AHCYL2: variants seen among roughly 807,000 people sequenced by gnomAD.
The protein encoded by AHCYL2 is adenosylhomocysteinase like 2.
In AHCYL2, 28 loss-of-function variants were observed where a neutral mutation model predicts 81.4. The ratio of observed to expected loss-of-function variants is 0.34; its 90% CI spans 0.25 to 0.47. The LOEUF is 0.47. Ranked by LOEUF, AHCYL2 falls within the 20% of genes least tolerant of loss-of-function variation. The pLI is 1.00. For synonymous variants in AHCYL2, 272 were observed against 290.2 expected (o/e 0.94, Z 0.64); for missense variants, 551 against 785.1 (o/e 0.70, Z 3.56).
intron 1 of AHCYL2, among the ~76,000 whole-genome samples, chr7:129,316,861 C>T (rs561429345): frequency 5.9e-5 from 9 of 152,154 alleles, no homozygotes; most frequent in Non-Finnish European, 1.3e-4. Context: ...CCTATTGAAA[C>T]GAATGTTTCC....
intron 1 of AHCYL2, among the ~76,000 whole-genome samples, chr7:129,316,918 A>G (rs758839622): frequency 6.6e-6 from 1 of 152,238 alleles, no homozygotes; most frequent in South Asian, 2.1e-4. Context: ...GAGTTTCCTC[A>G]GTGATGGGGA....
In AHCYL2 at chr7:129,255,213, A is replaced by G. The variant is rs543379853; in HGVS notation, c.363+29774A>G. On this transcript the variant is annotated intron_variant, in intron 1 of 16. Coordinates refer to ENST00000325006, the MANE Select transcript of AHCYL2 (RefSeq NM_015328.4). ...GAGGTGGAGGTTGCAGTGAGCCGAG[A>G]TCGCGCCATTGCACTCCAGCCTGGG... Among the ~76,000 whole-genome samples, 452 of 152,256 alleles carry G rather than the reference A, an allele frequency of 3.0e-3. 2 individuals carry two copies. The highest frequency in any genetic ancestry group is 0.01 in the African/African-American group (431 of 41,548).
Position 129,403,502 on chromosome 7 carries a change from G to T in AHCYL2, c.1025+17G>T. The stretch of plus-strand genomic sequence containing the variant: ...AGTTCACAGGTAAGATTTGACATGG[G>T]CATACCTGGTTTTATGCAGTCTAGA... On this transcript the variant is annotated intron_variant, in intron 7 of 16. Transcript: ENST00000325006. The T allele has an allele frequency of 6.5e-7, 1 of 1,537,666 alleles. No individual in the cohort carries two copies. The highest frequency in any genetic ancestry group is 1.4e-5 in the African/African-American group (1 of 72,524).
intron 1 of AHCYL2, among the ~76,000 whole-genome samples, chr7:129,355,001 C>G (rs1205263305): frequency 2.6e-5 from 4 of 152,112 alleles, no homozygotes; most frequent in Non-Finnish European, 4.4e-5. Flanking sequence ...ATGAATACCC[C>G]CGATCCTTTT....
Position 129,264,307 on chromosome 7 carries a change from A to T in AHCYL2, c.363+38868A>T, listed in dbSNP as rs563405486. On this transcript the variant is annotated intron_variant, in intron 1 of 16. Transcript: ENST00000325006. ...AAGTGCGGGATTACAGGCGTGAGCCACTGCGCCCGGCCAGTAGAAGATATT... is the reference window on the plus strand; with the variant it reads ...AAGTGCGGGATTACAGGCGTGAGCCTCTGCGCCCGGCCAGTAGAAGATATT... 3.3e-5 allele frequency among the ~76,000 whole-genome samples: 5 copies of T among 152,382 alleles called. 1 individual carries two copies. The South Asian group carries it at 1.0e-3, about 32-fold the overall frequency.
chr7:129,296,090 C>T (rs1446070675), intron 1 of AHCYL2, among the ~76,000 whole-genome samples: 2 of 152,276 alleles, frequency 1.3e-5, no homozygotes. Flanking sequence ...ATGTGTTATT[C>T]CAACTCATTG....
chr7:129,291,047 A>G (rs1341947952), intron 1 of AHCYL2, among the ~76,000 whole-genome samples: 1 of 152,114 alleles, frequency 6.6e-6, no homozygotes, highest in Non-Finnish European at 1.5e-5. Context: ...TTAAAATATA[A>G]AAAAAGGAGT....
chr7:129,323,705 C>T (rs1012603994), intron 1 of AHCYL2, among the ~76,000 whole-genome samples: 1 of 152,114 alleles, frequency 6.6e-6, no homozygotes, highest in African/African-American at 2.4e-5. Flanking sequence ...GCAGTTTTGT[C>T]AGTGTTTGCT....
At chr7:129,330,531 C>T (rs1035235450) in intron 1 of AHCYL2, among the ~76,000 whole-genome samples, 2 of 145,026 alleles carry the variant, frequency 1.4e-5, no homozygotes, top group Admixed American at 7.1e-5. Context: ...AGTGCAGTGT[C>T]GCCATCCCAG....
In AHCYL2 at chr7:129,388,844, A is replaced by G. The variant is rs1795321050; in HGVS notation, c.476-212A>G. On this transcript the variant is annotated intron_variant, in intron 2 of 16. Transcript: ENST00000325006. ...GTGTTCTGAAGATAAAGTTAGCCCT[A>G]CATTTCAAGTTAAGGCTATCCAGGA... The G allele has an allele frequency of 1.0e-5, 5 of 487,414 alleles. No homozygotes were observed. In the South Asian group the frequency reaches 1.3e-4, roughly 13 times the overall value. 30.2% of individuals were successfully genotyped at this position (487,414 alleles called of 1,614,324 possible). A position where few individuals can be genotyped will look rare whatever the true frequency, so the allele number is the denominator to read the frequency against.
chr7:129,412,271 AAAC>A (rs911958768), intron 11 of AHCYL2, among the ~76,000 whole-genome samples: 3 of 152,072 alleles, frequency 2.0e-5, no homozygotes, highest in Admixed American at 6.6e-5. Flanking sequence ...TAAAACAAAA[AAAC>A]AACATTTTTA....
At chr7:129,333,291 G>A (rs2150805814) in intron 1 of AHCYL2, among the ~76,000 whole-genome samples, 1 of 137,838 alleles carries the variant, frequency 7.3e-6, no homozygotes, top group East Asian at 2.1e-4. Context: ...GCAACTTAGC[G>A]AGATCTCATC....
intron 1 of AHCYL2, among the ~76,000 whole-genome samples, chr7:129,365,640 A>ATATATATATATATATATATATATATGGG (rs1794086247): frequency 1.3e-5 from 2 of 149,132 alleles, no homozygotes; most frequent in South Asian, 4.4e-4. Context: ...ATATATATAT[A>ATATATATATATATATATATATATATGGG]TATATGGGTA....
Position 129,277,282 on chromosome 7 carries a change from T to G in AHCYL2, c.363+51843T>G, listed in dbSNP as rs1453414529. Among the ~76,000 whole-genome samples, 14 of 151,258 alleles carry G rather than the reference T, an allele frequency of 9.3e-5. 1 individual carries two copies. The South Asian group carries it at 2.1e-3, about 23-fold the overall frequency. On this transcript the variant is annotated intron_variant, in intron 1 of 16. Coordinates refer to ENST00000325006, the MANE Select transcript of AHCYL2 (RefSeq NM_015328.4). ...TATTACCTCTAAAGTCTCTCTCTTT[T>G]TTTTTTTTTTTTTTGAGATAGAGTC... is the stretch of plus-strand genomic sequence containing the variant.
At chr7:129,403,860 C>CAAAAAAA (rs34806455) in intron 7 of AHCYL2, among the ~76,000 whole-genome samples, 1,363 of 80,080 alleles carry the variant, frequency 0.017, 129 homozygotes, top group Non-Finnish European at 0.027. Flanking sequence ...GACTCCATCT[C>CAAAAAAA]AAAAAAAAAA....
intron 1 of AHCYL2, among the ~76,000 whole-genome samples, chr7:129,346,512 C>T (rs1793367111): frequency 6.6e-6 from 1 of 152,082 alleles, no homozygotes; most frequent in South Asian, 2.1e-4. Context: ...ATATAGATGT[C>T]AAATAAGCAT....
At chr7:129,318,920 AT>A (rs1003171377) in intron 1 of AHCYL2, among the ~76,000 whole-genome samples, 77 of 148,716 alleles carry the variant, frequency 5.2e-4, no homozygotes, top group Non-Finnish European at 6.1e-4. Flanking sequence ...CGACTATATA[AT>A]TTTTTTTTTT....
At chr7:129,360,205 T>G (rs182522749) in intron 1 of AHCYL2, among the ~76,000 whole-genome samples, 4 of 152,168 alleles carry the variant, frequency 2.6e-5, no homozygotes, top group African/African-American at 9.6e-5. Context: ...AACCTCTGCC[T>G]CCTGGGTTCA....
At chr7:129,238,366 A>G (rs1794713069) in intron 1 of AHCYL2, among the ~76,000 whole-genome samples, 1 of 152,160 alleles carries the variant, frequency 6.6e-6, no homozygotes, top group Non-Finnish European at 1.5e-5. Context: ...GCTAGACTGT[A>G]TTAGAGAAGT....
Sources: gnomAD v4.1 joint callset for allele counts (sites outside exome capture counted in the v4.1 genomes callset) on GRCh38, gnomAD v4.1.1 for gene constraint, MANE v1.5 for transcripts, NCBI Gene and HGNC (gene_info 2026-07-23, HGNC 2026-07-21) for gene names.